RAB3C: variants seen among roughly 807,000 people sequenced by gnomAD.
RAB3C encodes ras-related protein Rab-3C.
In RAB3C, 17 loss-of-function variants were observed where a neutral mutation model predicts 26.4. That is an observed-to-expected ratio of 0.64 (90% confidence interval 0.44 to 0.97). RAB3C has a LOEUF of 0.97. Among genes scored for constraint, RAB3C ranks in the 50% least tolerant of loss-of-function variants. The pLI, the probability that RAB3C is intolerant of heterozygous loss-of-function variation, is 0.00. For missense variants in RAB3C, 242 were observed against 281.9 expected, an observed-to-expected ratio of 0.86 and a Z score of 1.01; for synonymous variants, 91 against 95.9, an observed-to-expected ratio of 0.95 and a Z score of 0.30.
chr5:58,693,266 TA>T (rs1748607754), intron 2 of RAB3C, among the ~76,000 whole-genome samples: 1 of 143,900 alleles, frequency 6.9e-6, no homozygotes, highest in Non-Finnish European at 1.5e-5. Context: ...TATATAAATA[TA>T]ATTAAGATAA....
chr5:58,758,043 G>A (rs937771282), intron 3 of RAB3C, among the ~76,000 whole-genome samples: 3 of 152,166 alleles, frequency 2.0e-5, no homozygotes, highest in African/African-American at 4.8e-5. Flanking sequence ...CCGGGTTCAC[G>A]CCATTCTCCT....
At chr5:58,788,598 G>A (rs765107614) in intron 3 of RAB3C, among the ~76,000 whole-genome samples, 78 of 152,150 alleles carry the variant, frequency 5.1e-4, no homozygotes, top group Admixed American at 1.2e-3. Context: ...TTTGGTGAAA[G>A]CTTTAGGCAC....
At chr5:58,713,319 T>C (rs149723521) in intron 2 of RAB3C, among the ~76,000 whole-genome samples, 23 of 152,328 alleles carry the variant, frequency 1.5e-4, no homozygotes, top group African/African-American at 5.5e-4. Flanking sequence ...TTTTGAAATT[T>C]TTCAAAACAA....
intron 2 of RAB3C, among the ~76,000 whole-genome samples, chr5:58,703,565 A>G (rs1339300282): frequency 6.6e-6 from 1 of 152,200 alleles, no homozygotes. Context: ...CCCTATTAAG[A>G]CAGTTTACCA....
At chr5:58,583,063 G>C (rs1464209225), upstream of RAB3C, 1 of 1,492,678 alleles carries the variant, frequency 6.7e-7, no homozygotes, top group Non-Finnish European at 8.9e-7. Context: ...GGCGCCAGGA[G>C]AGGACAGCTC....
intron 2 of RAB3C, among the ~76,000 whole-genome samples, chr5:58,692,622 A>G (rs1025359511): frequency 6.6e-6 from 1 of 152,088 alleles, no homozygotes; most frequent in Admixed American, 6.6e-5. Flanking sequence ...GTAAGCATCA[A>G]TATCCACCAC....
At chr5:58,686,945 A>G (rs1748456490) in intron 2 of RAB3C, among the ~76,000 whole-genome samples, 1 of 152,100 alleles carries the variant, frequency 6.6e-6, no homozygotes, top group Non-Finnish European at 1.5e-5. Flanking sequence ...ATACAAGCCC[A>G]GTTACCCTCC....
intron 3 of RAB3C, among the ~76,000 whole-genome samples, chr5:58,812,829 T>C (rs1011799882): frequency 1.3e-5 from 2 of 152,232 alleles, no homozygotes; most frequent in African/African-American, 4.8e-5. Context: ...AGTCATATAG[T>C]GGCTCTGTGG....
intron 3 of RAB3C, among the ~76,000 whole-genome samples, chr5:58,781,066 T>C (rs1742258866): frequency 6.6e-6 from 1 of 152,068 alleles, no homozygotes; most frequent in African/African-American, 2.4e-5. Context: ...TATCTCTGAA[T>C]AGTAACTAGA....
At chr5:58,722,923 A>G (rs1289303223) in intron 2 of RAB3C, among the ~76,000 whole-genome samples, 2 of 151,904 alleles carry the variant, frequency 1.3e-5, no homozygotes, top group African/African-American at 4.8e-5. Context: ...AGTAATTTCT[A>G]TCATATAGTC....
chr5:58,690,562 A>G (rs1316758658), intron 2 of RAB3C, among the ~76,000 whole-genome samples: 1 of 152,168 alleles, frequency 6.6e-6, no homozygotes, highest in Non-Finnish European at 1.5e-5. Flanking sequence ...TGTCAGCTGG[A>G]TTCTTTAATT....
chr5:58,717,970 G>A (rs2111907729), intron 2 of RAB3C, among the ~76,000 whole-genome samples: 1 of 152,150 alleles, frequency 6.6e-6, no homozygotes, highest in African/African-American at 2.4e-5. Context: ...CTATTTTAGG[G>A]CAATAGTAAA....
intron 3 of RAB3C, among the ~76,000 whole-genome samples, chr5:58,735,568 C>T (rs1741114514): frequency 6.6e-6 from 1 of 152,094 alleles, no homozygotes; most frequent in South Asian, 2.1e-4. Flanking sequence ...GCTAGAAGTC[C>T]CCAAAGTGTC....
intron 1 of RAB3C, among the ~76,000 whole-genome samples, chr5:58,589,910 G>A (rs1002880596): frequency 6.6e-6 from 1 of 152,158 alleles, no homozygotes; most frequent in Admixed American, 6.5e-5. Flanking sequence ...AGATGAAGAA[G>A]GCTGTGTGTC....
intron 3 of RAB3C, among the ~76,000 whole-genome samples, chr5:58,753,212 C>G (rs911522210): frequency 6.6e-6 from 1 of 151,968 alleles, no homozygotes; most frequent in African/African-American, 2.4e-5. Flanking sequence ...TTAAATGTGT[C>G]GAGGAAATTA....
In RAB3C at chr5:58,851,647, G is replaced by A. The variant is rs1177474706; in HGVS notation, c.*296G>A. The A allele has an allele frequency of 7.0e-6, 2 of 285,770 alleles. No homozygotes were observed. Among genetic ancestry groups the A allele is most frequent in the Non-Finnish European group, 1.3e-5 (2 of 153,906 alleles). The allele number at this position is 285,770 out of a possible 1,614,324, so 17.7% of individuals were successfully genotyped here. A position where few individuals can be genotyped will look rare whatever the true frequency, so the allele number is the denominator to read the frequency against. On this transcript the variant is annotated 3_prime_UTR_variant, in exon 5 of 5. Coordinates refer to ENST00000282878, the MANE Select transcript of RAB3C (RefSeq NM_138453.4). ...AAATTTGTTCTCAGACTACTTCTGG[G>A]ACATCAGACTATAATCTCACTACAA...
At chr5:58,632,010 G>A (rs1747192471) in intron 2 of RAB3C, among the ~76,000 whole-genome samples, 1 of 152,218 alleles carries the variant, frequency 6.6e-6, no homozygotes, top group Non-Finnish European at 1.5e-5. Context: ...AAAGGAGAGA[G>A]GCTTCTTACT....
At chr5:58,730,198 A>ACTAT (rs995423839) in intron 3 of RAB3C, among the ~76,000 whole-genome samples, 1 of 151,894 alleles carries the variant, frequency 6.6e-6, no homozygotes, top group South Asian at 2.1e-4. Flanking sequence ...GTAGGGAAAG[A>ACTAT]CTATCTTATT....
intron 3 of RAB3C, among the ~76,000 whole-genome samples, chr5:58,795,957 A>G (rs1433047099): frequency 5.3e-5 from 8 of 152,310 alleles, no homozygotes; most frequent in South Asian, 2.1e-4. Flanking sequence ...CAAAGGTTTG[A>G]CTGTATTCTC....
Sources: allele counts gnomAD v4.1 joint callset (sites outside exome capture counted in the v4.1 genomes callset), GRCh38; gene constraint gnomAD v4.1.1; transcripts MANE v1.5; gene names NCBI Gene and HGNC (gene_info 2026-07-23, HGNC 2026-07-21).